The following ABCB10 variants were observed in gnomAD, a reference collection of about 807,000 sequenced individuals.
ABCB10 encodes the protein ATP binding cassette subfamily B member 10.
In ABCB10, 54 loss-of-function variants were observed where a neutral mutation model predicts 65.4. The ratio of observed to expected loss-of-function variants is 0.83; its 90% confidence interval spans 0.66 to 1.04. The LOEUF is 1.04. Ranked by LOEUF, ABCB10 falls within the 50% of genes least tolerant of loss-of-function variation. The probability of loss-of-function intolerance (pLI) is 0.00; values close to 1 mark genes in which losing one functional copy is unlikely to be tolerated. For synonymous variants in ABCB10, 418 were observed against 406.5 expected, an observed-to-expected ratio of 1.03 and a Z score of -0.34; for missense variants, 846 against 976.6, an observed-to-expected ratio of 0.87 and a Z score of 1.78.
intron 4 of ABCB10, among the ~76,000 whole-genome samples, chr1:229,541,148 T>C (rs1662833185): frequency 6.6e-6 from 1 of 152,236 alleles, no homozygotes; most frequent in Non-Finnish European, 1.5e-5. Flanking sequence ...TGTTTTTGTT[T>C]TCTCTCTTTA....
chr1:229,548,823 C>T (rs971419381), intron 2 of ABCB10, among the ~76,000 whole-genome samples: 14 of 151,948 alleles, frequency 9.2e-5, no homozygotes, highest in African/African-American at 2.9e-4. Context: ...CCACCACGCC[C>T]GGGTAATTTT....
chr1:229,522,992 G>A (rs1662352280), intron 10 of ABCB10, among the ~76,000 whole-genome samples: 1 of 152,182 alleles, frequency 6.6e-6, no homozygotes, highest in African/African-American at 2.4e-5. Flanking sequence ...TGGGACTACA[G>A]GCAGTGCCAC....
chr1:229,541,699 G>A (rs1662848563), intron 4 of ABCB10, among the ~76,000 whole-genome samples: 3 of 151,980 alleles, frequency 2.0e-5, no homozygotes. Context: ...CAGCACTCCG[G>A]GACGCCAAGG....
At chr1:229,549,960 C>T (rs1019706413) in intron 1 of ABCB10, 6 of 153,878 alleles carry the variant, frequency 3.9e-5, no homozygotes, top group African/African-American at 1.2e-4. Context: ...AGAAGCTACG[C>T]AGGGCGAGGC....
intron 11 of ABCB10, among the ~76,000 whole-genome samples, chr1:229,520,631 T>C (rs1476193508): frequency 6.6e-6 from 1 of 151,744 alleles, no homozygotes; most frequent in African/African-American, 2.4e-5. Flanking sequence ...TTATTCACAA[T>C]AGCCCCAAAC....
At chr1:229,534,902 T>C (rs1281003534) in intron 6 of ABCB10, among the ~76,000 whole-genome samples, 3 of 122,752 alleles carry the variant, frequency 2.4e-5, no homozygotes, top group African/African-American at 9.5e-5. Context: ...AGGCCAAGCA[T>C]GGTGGCGGAT....
chr1:229,558,436 G>T lies in ABCB10; in HGVS notation c.217C>A (p.Arg73=). 8.3e-7 allele frequency: 1 copy of T among 1,210,698 alleles called. No homozygotes were observed. Among genetic ancestry groups the T allele is most frequent in the South Asian group, 3.3e-5 (1 of 29,894 alleles). The allele number at this position is 1,210,698 out of a possible 1,614,324, so 75.0% of individuals were successfully genotyped here. The change falls in exon 1 of 13, where the codon CGG becomes AGG. Residue 73 remains arginine, a synonymous_variant. Transcript: ENST00000344517. The stretch of plus-strand genomic sequence containing the variant: ...CGCGAGGCGCCCGGACCCCCGCCCC[G>T]GCAGCCGCTCCTCCAGCGGCGCGCG... ...GAARRWRSGC[R]GGGPGASRGV... is the part of the protein sequence containing the mutation.
intron 1 of ABCB10, among the ~76,000 whole-genome samples, chr1:229,551,096 A>G (rs920585797): frequency 3.9e-5 from 6 of 152,300 alleles, no homozygotes; most frequent in Middle Eastern, 3.4e-3. Flanking sequence ...TTACTGTTAT[A>G]TAACCTTAAT....
intron 10 of ABCB10, among the ~76,000 whole-genome samples, chr1:229,524,658 C>T (rs1662392242): frequency 6.6e-6 from 1 of 152,172 alleles, no homozygotes; most frequent in South Asian, 2.1e-4. Context: ...TGGTCTGACA[C>T]CACAGGGAAT....
At chr1:229,525,615 C>T (rs1017413468) in intron 10 of ABCB10, among the ~76,000 whole-genome samples, 13 of 152,212 alleles carry the variant, frequency 8.5e-5, no homozygotes, top group South Asian at 4.1e-4. Flanking sequence ...CCAAGGTGGG[C>T]GGATCACGAG....
At chr1:229,550,443 T>C (rs756130714) in intron 1 of ABCB10, among the ~76,000 whole-genome samples, 1 of 145,874 alleles carries the variant, frequency 6.9e-6, no homozygotes. Context: ...GAGGATTACT[T>C]GAGCCCAGGA....
chr1:229,547,456 A>T, intron 3 of ABCB10, 43 bp downstream of exon 3: 1 of 1,607,274 alleles, frequency 6.2e-7, no homozygotes, highest in Admixed American at 1.7e-5. Context: ...GGTGCAAGCC[A>T]AGCCCTGGCA....
rs150979292 is a variant in ABCB10, at chr1:229,544,823, T to C, written c.922-2452A>G. Among the ~76,000 whole-genome samples, 152 of 152,296 alleles carry C rather than the reference T, an allele frequency of 1.0e-3. No individual in the cohort carries two copies. In the Middle Eastern group the frequency reaches 0.017, roughly 17 times the overall value. On this transcript the variant is annotated intron_variant, in intron 3 of 12. Transcript: ENST00000344517. Reference sequence around the variant, plus strand: ...TTATAAGAGACACTAGAGCACACTCTCTCTCCACTATGTGAGCACATGGCA... The same window carrying C: ...TTATAAGAGACACTAGAGCACACTCCCTCTCCACTATGTGAGCACATGGCA...
chr1:229,516,698 T>C lies in ABCB10; in HGVS notation c.*1481A>G, dbSNP rs1044515143. 3 of 152,196 alleles carry C rather than the reference T, an allele frequency of 2.0e-5. No homozygotes were observed. The highest frequency in any genetic ancestry group is 6.5e-5 in the Admixed American group (1 of 15,282). 9.4% of individuals were successfully genotyped at this position (152,196 alleles called of 1,614,324 possible). A position where few individuals can be genotyped will look rare whatever the true frequency, so the allele number is the denominator to read the frequency against. ...AAATGCAATTTCGTAAATACTTCTA[T>C]GGCACAAGGATTATTTTCCTCAGAT... On this transcript the variant is annotated 3_prime_UTR_variant, in exon 13 of 13. Coordinates refer to ENST00000344517, the MANE Select transcript of ABCB10 (RefSeq NM_012089.3).
At position 229,549,261 on chromosome 1, in the gene ABCB10, T is replaced by C; in HGVS notation, c.691A>G (p.Ile231Val). The part of the protein sequence containing the change: ...VFLCGAAANA[I>V]RVYLMQTSGQ... The stretch of plus-strand genomic sequence containing the variant: ...GAAGTTTGCATGAGGTAGACACGAA[T>C]GGCATTGGCGGCAGCACCACACAGA... Residue 231 changes from isoleucine to valine, a missense_variant, in exon 2 of 13, where the codon ATT (isoleucine) becomes GTT (valine). Ile to Val is a conservative substitution (Grantham distance 29). Coordinates refer to ENST00000344517, the MANE Select transcript of ABCB10 (RefSeq NM_012089.3). The C allele has an allele frequency of 6.2e-7, 1 of 1,614,014 alleles. No individual in the cohort carries two copies. Among genetic ancestry groups the C allele is most frequent in the Non-Finnish European group, 8.5e-7 (1 of 1,179,970 alleles).
At chr1:229,526,200 A>T (rs943366750) in intron 9 of ABCB10, 84 bp from the exon 10 acceptor site, 29 of 1,361,084 alleles carry the variant, frequency 2.1e-5, no homozygotes, top group Non-Finnish European at 2.8e-5. Flanking sequence ...AGTCTTTTTT[A>T]AAATTTATGT....
chr1:229,533,730 C>T (rs1662640481), intron 6 of ABCB10, among the ~76,000 whole-genome samples: 1 of 152,072 alleles, frequency 6.6e-6, no homozygotes. Context: ...ACTGAATATC[C>T]ACATGCAAAG....
At chr1:229,550,410 A>G (rs1279144196) in intron 1 of ABCB10, among the ~76,000 whole-genome samples, 4 of 151,650 alleles carry the variant, frequency 2.6e-5, no homozygotes, top group Non-Finnish European at 4.4e-5. Context: ...CTGTAGTCCC[A>G]GCTACTCAGA....
chr1:229,520,751 G>A (rs959157514), intron 11 of ABCB10, among the ~76,000 whole-genome samples: 1 of 152,150 alleles, frequency 6.6e-6, no homozygotes, highest in Non-Finnish European at 1.5e-5. Flanking sequence ...CTACAAATTG[G>A]AGAAATCTCA....
Sources: gnomAD v4.1 joint callset for allele counts (sites outside exome capture counted in the v4.1 genomes callset) on GRCh38, gnomAD v4.1.1 for gene constraint, MANE v1.5 for transcripts, NCBI Gene and HGNC (gene_info 2026-07-23, HGNC 2026-07-21) for gene names.